CTNND2: variants seen among roughly 807,000 people sequenced by gnomAD.
CTNND2 encodes catenin delta-2.
CTNND2 carries 22 observed loss-of-function variants against 144.4 expected under a neutral mutation model. The observed-to-expected ratio is 0.15, with a 90% CI of 0.11 to 0.22. CTNND2 has a LOEUF of 0.22. Among genes scored for constraint, CTNND2 ranks in the 10% least tolerant of loss-of-function variants. CTNND2 has a pLI of 1.00. For synonymous variants in CTNND2, 751 were observed against 695.6 expected, an observed-to-expected ratio of 1.08 and a Z score of -1.25; for missense variants, 1,353 against 1,618.8, an observed-to-expected ratio of 0.84 and a Z score of 2.82.
intron 11 of CTNND2, among the ~76,000 whole-genome samples, chr5:11,189,170 A>G (rs182366266): frequency 4.6e-5 from 7 of 152,270 alleles, no homozygotes; most frequent in African/African-American, 1.7e-4. Flanking sequence ...ACTCCTCTCA[A>G]TGCTGCTCCT....
At chr5:11,702,470 C>T (rs956845451) in intron 2 of CTNND2, among the ~76,000 whole-genome samples, 7 of 152,166 alleles carry the variant, frequency 4.6e-5, no homozygotes, top group African/African-American at 1.4e-4. Flanking sequence ...CAAAAAGATG[C>T]CCCATGTTCA....
intron 9 of CTNND2, among the ~76,000 whole-genome samples, chr5:11,296,839 G>A (rs1440783877): frequency 6.6e-6 from 1 of 152,124 alleles, no homozygotes; most frequent in Non-Finnish European, 1.5e-5. Context: ...GTTGTGGCAT[G>A]GGGGGAGTGG....
intron 2 of CTNND2, among the ~76,000 whole-genome samples, chr5:11,642,511 G>A (rs1782120301): frequency 6.6e-6 from 1 of 152,172 alleles, no homozygotes; most frequent in African/African-American, 2.4e-5. Context: ...CAGAGGAAGA[G>A]AAGGGCAAAG....
At chr5:10,989,932 G>A (rs902356179) in intron 19 of CTNND2, among the ~76,000 whole-genome samples, 1 of 152,142 alleles carries the variant, frequency 6.6e-6, no homozygotes, top group African/African-American at 2.4e-5. Context: ...AAGCCATCAC[G>A]GGTTTTGGAT....
intron 16 of CTNND2, among the ~76,000 whole-genome samples, chr5:11,045,177 A>G (rs1289512417): frequency 6.6e-6 from 1 of 152,220 alleles, no homozygotes; most frequent in Non-Finnish European, 1.5e-5. Flanking sequence ...TTGTACTGCT[A>G]TAAAAGAATA....
intron 17 of CTNND2, 29 bp from the exon 18 acceptor site, chr5:11,018,087 A>C (rs1469666380): frequency 1.3e-5 from 19 of 1,470,604 alleles, no homozygotes; most frequent in Non-Finnish European, 1.7e-5. Flanking sequence ...GAAAGGCAAG[A>C]TGTGAGTGGG....
chr5:11,082,385 C>T (rs1335674058), intron 16 of CTNND2, among the ~76,000 whole-genome samples: 1 of 152,316 alleles, frequency 6.6e-6, no homozygotes, highest in East Asian at 1.9e-4. Context: ...CAGTTCACTG[C>T]ATGGGAAACA....
chr5:11,223,523 T>C (rs931393221), intron 10 of CTNND2, among the ~76,000 whole-genome samples: 4 of 152,108 alleles, frequency 2.6e-5, no homozygotes, highest in African/African-American at 9.7e-5. Context: ...AACTTCTAAA[T>C]GGAAAAGATC....
intron 2 of CTNND2, among the ~76,000 whole-genome samples, chr5:11,710,538 T>G (rs1383485772): frequency 2.8e-5 from 3 of 107,232 alleles, no homozygotes; most frequent in African/African-American, 1.2e-4. Context: ...AGACTCCATC[T>G]CAAAAAAAAA....
At chr5:11,798,523 C>T (rs1335985736) in intron 1 of CTNND2, among the ~76,000 whole-genome samples, 1 of 152,108 alleles carries the variant, frequency 6.6e-6, no homozygotes, top group African/African-American at 2.4e-5. Context: ...AATCCCAGAA[C>T]TCTGGGAGGC....
chr5:11,327,385 A>G (rs779581340), intron 9 of CTNND2, among the ~76,000 whole-genome samples: 5 of 152,190 alleles, frequency 3.3e-5, no homozygotes, highest in Non-Finnish European at 5.9e-5. Context: ...AAACCTATGA[A>G]AGGCAAGTTG....
At chr5:11,002,027 A>G (rs536780965) in intron 18 of CTNND2, among the ~76,000 whole-genome samples, 43 of 152,360 alleles carry the variant, frequency 2.8e-4, no homozygotes, top group African/African-American at 9.4e-4. Flanking sequence ...GTACCTGCCC[A>G]TGGCAAATGC....
intron 1 of CTNND2, among the ~76,000 whole-genome samples, chr5:11,742,879 G>A (rs1035918192): frequency 1.3e-5 from 2 of 152,144 alleles, no homozygotes; most frequent in African/African-American, 4.8e-5. Flanking sequence ...ACAAAGAACA[G>A]TATTGAGCAC....
intron 2 of CTNND2, among the ~76,000 whole-genome samples, chr5:11,613,296 G>A (rs1251548427): frequency 1.2e-4 from 8 of 67,894 alleles, no homozygotes; most frequent in Non-Finnish European, 1.8e-4. Flanking sequence ...GTAGATAAAC[G>A]TGTGTGTATA....
chr5:11,543,855 G>A (rs1186999736), intron 3 of CTNND2, among the ~76,000 whole-genome samples: 1 of 152,148 alleles, frequency 6.6e-6, no homozygotes, highest in African/African-American at 2.4e-5. Flanking sequence ...TCAGCAGGAT[G>A]CCCTCATACT....
intron 9 of CTNND2, among the ~76,000 whole-genome samples, chr5:11,319,473 T>C (rs1485222624): frequency 6.6e-6 from 1 of 152,240 alleles, no homozygotes; most frequent in African/African-American, 2.4e-5. Context: ...TTTTTGTGTG[T>C]GACAAACCAC....
intron 2 of CTNND2, among the ~76,000 whole-genome samples, chr5:11,598,335 C>T (rs763697489): frequency 6.6e-6 from 1 of 152,070 alleles, no homozygotes; most frequent in Admixed American, 6.6e-5. Flanking sequence ...AAGGGGGATA[C>T]GTGCTGATGA....
intron 1 of CTNND2, among the ~76,000 whole-genome samples, chr5:11,861,502 A>T (rs1795503001): frequency 6.6e-6 from 1 of 152,192 alleles, no homozygotes; most frequent in Non-Finnish European, 1.5e-5. Flanking sequence ...CCTTCAGAAC[A>T]TAACCAGAAG....
intron 2 of CTNND2, among the ~76,000 whole-genome samples, chr5:11,669,467 G>A (rs1351840620): frequency 2.0e-5 from 3 of 152,056 alleles, no homozygotes; most frequent in Middle Eastern, 3.2e-3. Flanking sequence ...TCAGAGATTC[G>A]TTTTCTTCCT....
Sources: gnomAD v4.1 joint callset for allele counts (sites outside exome capture counted in the v4.1 genomes callset) on GRCh38, gnomAD v4.1.1 for gene constraint, MANE v1.5 for transcripts, NCBI Gene and HGNC (gene_info 2026-07-23, HGNC 2026-07-21) for gene names.